The following STIM1 variants were observed in gnomAD, a reference collection of about 807,000 sequenced individuals.
STIM1 encodes stromal interaction molecule 1.
A neutral mutation model predicts 74.7 loss-of-function variants in STIM1; 25 were observed. That is an observed-to-expected ratio of 0.33 (90% confidence interval 0.24 to 0.47). STIM1 has a LOEUF of 0.47. Among genes scored for constraint, STIM1 ranks in the 20% least tolerant of loss-of-function variants. The pLI, the probability that STIM1 is intolerant of heterozygous loss-of-function variation, is 1.00. For synonymous variants in STIM1, 328 were observed against 348.8 expected (o/e 0.94, Z 0.66); for missense variants, 728 against 920.8 (o/e 0.79, Z 2.71).
In STIM1 at chr11:3,964,482, C is replaced by T. The variant is rs558713290; in HGVS notation, c.140-3070C>T. On this transcript the variant is annotated intron_variant, in intron 1 of 12. Transcript: ENST00000526596. ...GATGCTAGCAGCAAAGGTCACCTGT[C>T]TGTCTGATTAGGTTACAAACCAGAG... Among the ~76,000 whole-genome samples the T allele has an allele frequency of 2.6e-5, 4 of 152,302 alleles. No homozygotes were observed. The South Asian group carries it at 8.3e-4, about 32-fold the overall frequency.
chr11:3,970,409 A>T (rs2093381273), intron 2 of STIM1, among the ~76,000 whole-genome samples: 1 of 152,180 alleles, frequency 6.6e-6, no homozygotes, highest in Non-Finnish European at 1.5e-5. Context: ...AGTCACTTCA[A>T]ACATGTATAA....
rs1408566143 is a variant in STIM1 at position 4,083,295 on chromosome 11, G to A, written c.1271G>A (p.Arg424Gln). Residue 424 changes from arginine (R) to glutamine (Q), a missense_variant, in exon 10 of 13, where the codon CGG (arginine) becomes CAG (glutamine). Physicochemically the swap from Arg to Gln is conservative, Grantham distance 43 (BLOSUM62 1). This residue lies in a region of STIM1 where 131 missense variants were observed against 235.9 expected (regional missense o/e 0.56). Coordinates refer to ENST00000526596, the MANE Select transcript of STIM1 (RefSeq NM_001382567.1). ...QALSEVTAAL[R>Q]ERLHRWQQIE... The stretch of plus-strand genomic sequence containing the variant: ...CTGAGCGAGGTGACAGCAGCATTGC[G>A]GGAGCGCCTGCACCGCTGGCAACAG... The A allele has an allele frequency of 6.2e-7, 1 of 1,614,190 alleles. No individual in the cohort carries two copies. The highest frequency in any genetic ancestry group is 8.5e-7 in the Non-Finnish European group (1 of 1,180,030).
intron 1 of STIM1, among the ~76,000 whole-genome samples, chr11:3,930,677 C>T (rs2092848732): frequency 6.6e-6 from 1 of 152,174 alleles, no homozygotes; most frequent in Non-Finnish European, 1.5e-5. Context: ...ATTAGGGTTC[C>T]TGCTTCATCC....
intron 1 of STIM1, among the ~76,000 whole-genome samples, chr11:3,884,324 G>C (rs2091627278): frequency 6.6e-6 from 1 of 152,210 alleles, no homozygotes; most frequent in African/African-American, 2.4e-5. Context: ...CATTGAAAGT[G>C]CTTTGTTGTA....
At chr11:3,937,062 T>C (rs1407669899) in intron 1 of STIM1, among the ~76,000 whole-genome samples, 1 of 151,942 alleles carries the variant, frequency 6.6e-6, no homozygotes, top group African/African-American at 2.4e-5. Flanking sequence ...TCCCATCACT[T>C]TGGGAGGCCG....
chr11:3,943,128 C>G (rs2093030872), intron 1 of STIM1, among the ~76,000 whole-genome samples: 1 of 152,170 alleles, frequency 6.6e-6, no homozygotes, highest in African/African-American at 2.4e-5. Context: ...GCATGCTCAG[C>G]CTTCTGCCAT....
intron 12 of STIM1, chr11:4,086,780 A>G (rs1411884838): frequency 5.9e-6 from 9 of 1,536,298 alleles, no homozygotes; most frequent in Admixed American, 2.0e-5. Flanking sequence ...AGCACTTCCT[A>G]TTTCCTCCAG....
intron 1 of STIM1, among the ~76,000 whole-genome samples, chr11:3,946,275 T>C (rs2093072370): frequency 6.6e-6 from 1 of 152,204 alleles, no homozygotes; most frequent in African/African-American, 2.4e-5. Flanking sequence ...TAAATGGGAA[T>C]CAAAATATTT....
At chr11:4,015,988 C>A (rs763483067) in intron 2 of STIM1, among the ~76,000 whole-genome samples, 2 of 152,104 alleles carry the variant, frequency 1.3e-5, no homozygotes, top group Non-Finnish European at 2.9e-5. Context: ...TGGGTTAGAA[C>A]ATGCTCCTTT....
In STIM1 at chr11:4,013,690, C is replaced by CTTTTTTTTTTT. The variant is rs1169600270; in HGVS notation, c.271-10161_271-10151dup. On this transcript the variant is annotated intron_variant, in intron 2 of 12. Transcript: ENST00000526596. ...AACCAGCTCCTGGATTCATTGATTTCTTTTTTTTTTTTTTTTTTTTTTTTT... is the reference window on the plus strand; with the variant it reads ...AACCAGCTCCTGGATTCATTGATTTCTTTTTTTTTTTTTTTTTTTTTTTTTTTTTTTTTTTT... 6.9e-4 allele frequency among the ~76,000 whole-genome samples: 36 copies of CTTTTTTTTTTT among 51,928 alleles called. 8 individuals carry two copies. The highest frequency in any genetic ancestry group is 1.1e-3 in the East Asian group (2 of 1,744). The allele number at this position is 51,928 out of a possible 152,430, so 34.1% of individuals were successfully genotyped here. A position where few individuals can be genotyped will look rare whatever the true frequency, so the allele number is the denominator to read the frequency against.
intron 7 of STIM1, among the ~76,000 whole-genome samples, chr11:4,078,280 A>G (rs911327124): frequency 2.0e-5 from 3 of 152,164 alleles, no homozygotes; most frequent in African/African-American, 7.2e-5. Flanking sequence ...TTTCTCAGGT[A>G]TGTCCCTCCC....
rs868168406 is a variant in STIM1, at chr11:4,059,224, A to G, written c.498-57A>G. ...CCTGGGGGAGGCGGGTAATCCTACC[A>G]GGATCCTTCCTGGCTTTACTGGGAG... On this transcript the variant is annotated intron_variant, in intron 4 of 12. Transcript: ENST00000526596. 4 of 1,471,028 alleles carry G rather than the reference A, an allele frequency of 2.7e-6. No homozygotes were observed. The Middle Eastern group carries it at 6.9e-4, about 255-fold the overall frequency. 91.1% of individuals were successfully genotyped at this position (1,471,028 alleles called of 1,614,324 possible). A position where few individuals can be genotyped will look rare whatever the true frequency, so the allele number is the denominator to read the frequency against.
In STIM1 at chr11:3,957,360, C is replaced by T. The variant is rs571435975; in HGVS notation, c.140-10192C>T. Among the ~76,000 whole-genome samples, 29 of 151,770 alleles carry T rather than the reference C, an allele frequency of 1.9e-4. 1 individual carries two copies. Among genetic ancestry groups the T allele is most frequent in the African/African-American group, 6.5e-4 (27 of 41,376 alleles). ...CAGCCTCTGCCTCCTGGTTTCAAGC[C>T]GTTCTCCTGCCTCAGCCTCCTGAGT... is the stretch of plus-strand genomic sequence containing the variant. On this transcript the variant is annotated intron_variant, in intron 1 of 12. Transcript: ENST00000526596.
At chr11:4,039,666 T>A (rs1256273538) in intron 3 of STIM1, among the ~76,000 whole-genome samples, 3 of 151,474 alleles carry the variant, frequency 2.0e-5, no homozygotes, top group African/African-American at 7.3e-5. Flanking sequence ...GTTAGTCAGA[T>A]GTATTGAAAT....
At chr11:4,009,987 AT>A (rs537627871) in intron 2 of STIM1, among the ~76,000 whole-genome samples, 2 of 151,738 alleles carry the variant, frequency 1.3e-5, no homozygotes, top group Non-Finnish European at 2.9e-5. Context: ...TAATTTTAAA[AT>A]TTTTTGTGGA....
chr11:3,974,189 G>T, intron 2 of STIM1: 1 of 527,586 alleles, frequency 1.9e-6, no homozygotes, highest in South Asian at 2.6e-5. Flanking sequence ...CTCTGATGAA[G>T]AACTTCTACA....
intron 1 of STIM1, among the ~76,000 whole-genome samples, chr11:3,924,942 C>G (rs1171998128): frequency 1.3e-5 from 2 of 152,124 alleles, no homozygotes; most frequent in Non-Finnish European, 2.9e-5. Context: ...CAGAACATAG[C>G]AAATACCCTT....
intron 1 of STIM1, among the ~76,000 whole-genome samples, chr11:3,904,192 GTC>G (rs1189886755): frequency 3.0e-5 from 1 of 33,690 alleles, no homozygotes; most frequent in Non-Finnish European, 6.2e-5. Flanking sequence ...GTGAGACTCT[GTC>G]TCAAAAAAAA....
intron 7 of STIM1, among the ~76,000 whole-genome samples, chr11:4,076,837 T>A (rs1355403963): frequency 6.6e-6 from 1 of 151,536 alleles, no homozygotes; most frequent in Non-Finnish European, 1.5e-5. Context: ...GAGGACTTTT[T>A]AAGTTATTTT....
Sources: allele counts gnomAD v4.1 joint callset (sites outside exome capture counted in the v4.1 genomes callset), GRCh38; gene constraint gnomAD v4.1.1; regional missense constraint gnomAD v4.1.1; transcripts MANE v1.5; gene names NCBI Gene and HGNC (gene_info 2026-07-23, HGNC 2026-07-21).